Variants in DPYD observed in about 807,000 individuals in gnomAD.
DPYD encodes the protein dihydropyrimidine dehydrogenase, also known as dihydropyrimidine dehydrogenase [NADP(+)].
DPYD carries 109 observed loss-of-function variants against 116.2 expected under a neutral mutation model. The observed-to-expected ratio is 0.94, with a 90% CI of 0.80 to 1.10. The LOEUF (loss-of-function observed/expected upper bound fraction) is 1.10, where lower values mean the gene tolerates loss of function less well. Among genes scored for constraint, DPYD ranks in the 50% least tolerant of loss-of-function variants. The probability of loss-of-function intolerance (pLI) is 0.00; values close to 1 mark genes in which losing one functional copy is unlikely to be tolerated. For missense variants in DPYD, 1,302 were observed against 1,254.5 expected (o/e 1.04, Z -0.57); for synonymous variants, 440 against 432.0 (o/e 1.02, Z -0.23).
At chr1:97,272,241 CA>C (rs757131959) in intron 18 of DPYD, among the ~76,000 whole-genome samples, 16 of 152,140 alleles carry the variant, frequency 1.1e-4, no homozygotes, top group African/African-American at 1.4e-4. Flanking sequence ...GCAGAGAGCA[CA>C]AGCATGAAAG....
chr1:97,214,595 T>G (rs1391043210), intron 19 of DPYD, among the ~76,000 whole-genome samples: 1 of 152,190 alleles, frequency 6.6e-6, no homozygotes, highest in Non-Finnish European at 1.5e-5. Context: ...CACCAGGTGA[T>G]AAAATCCAGA....
chr1:97,428,779 C>T (rs1470035451), intron 14 of DPYD, among the ~76,000 whole-genome samples: 1 of 149,624 alleles, frequency 6.7e-6, no homozygotes, highest in Admixed American at 6.7e-5. Context: ...CTTAAGTTTT[C>T]TTTTTTTTTT....
intron 1 of DPYD, among the ~76,000 whole-genome samples, chr1:97,906,151 G>A (rs1379975104): frequency 2.0e-5 from 3 of 151,930 alleles, no homozygotes; most frequent in African/African-American, 7.2e-5. Flanking sequence ...ACCTGTCCTT[G>A]GAAAATGATC....
chr1:97,518,208 C>A (rs945592725), intron 12 of DPYD, among the ~76,000 whole-genome samples: 1 of 151,790 alleles, frequency 6.6e-6, no homozygotes. Context: ...CACACAGACA[C>A]AATTCTTTCA....
intron 8 of DPYD, among the ~76,000 whole-genome samples, chr1:97,674,585 G>A (rs1660040416): frequency 6.6e-6 from 1 of 151,688 alleles, no homozygotes; most frequent in African/African-American, 2.4e-5. Flanking sequence ...CAAAGACGAA[G>A]GGTCCATCTC....
At chr1:97,092,108 C>T (rs920115855) in intron 21 of DPYD, among the ~76,000 whole-genome samples, 1 of 152,104 alleles carries the variant, frequency 6.6e-6, no homozygotes, top group Non-Finnish European at 1.5e-5. Context: ...TTTTTATTCT[C>T]CTAAGCTTGT....
intron 20 of DPYD, among the ~76,000 whole-genome samples, chr1:97,099,548 T>G (rs769870941): frequency 1.4e-4 from 21 of 152,142 alleles, no homozygotes; most frequent in Non-Finnish European, 2.5e-4. Flanking sequence ...CTGCTGGTGA[T>G]AGACATCACT....
intron 14 of DPYD, among the ~76,000 whole-genome samples, chr1:97,386,419 A>G (rs1672352287): frequency 6.6e-6 from 1 of 152,106 alleles, no homozygotes; most frequent in Non-Finnish European, 1.5e-5. Context: ...GAGACAGGAG[A>G]AAGTAGACAA....
chr1:97,550,692 C>T (rs910540660), intron 11 of DPYD, among the ~76,000 whole-genome samples: 2 of 152,078 alleles, frequency 1.3e-5, no homozygotes, highest in South Asian at 4.1e-4. Context: ...GACTAAGGGC[C>T]TTATTCTTTA....
intron 8 of DPYD, among the ~76,000 whole-genome samples, chr1:97,661,566 T>C (rs1242917522): frequency 6.6e-6 from 1 of 152,022 alleles, no homozygotes; most frequent in Non-Finnish European, 1.5e-5. Flanking sequence ...TATACTACGC[T>C]TTGATAAAAT....
intron 12 of DPYD, among the ~76,000 whole-genome samples, chr1:97,543,202 T>C (rs542718710): frequency 5.9e-5 from 9 of 152,284 alleles, no homozygotes; most frequent in African/African-American, 1.9e-4. Context: ...GGTAACATGA[T>C]TGGAAAGTGT....
intron 14 of DPYD, among the ~76,000 whole-genome samples, chr1:97,401,619 T>C (rs1283718847): frequency 6.6e-6 from 1 of 152,108 alleles, no homozygotes; most frequent in South Asian, 2.1e-4. Flanking sequence ...CAGCCAGAGT[T>C]TTTTATTTTA....
chr1:97,464,692 C>T (rs548711086), intron 13 of DPYD, among the ~76,000 whole-genome samples: 8 of 152,250 alleles, frequency 5.3e-5, no homozygotes, highest in African/African-American at 1.7e-4. Flanking sequence ...AATCAAAAAT[C>T]GAGGTTTGGG....
intron 14 of DPYD, among the ~76,000 whole-genome samples, chr1:97,414,211 AT>A (rs891844281): frequency 3.3e-5 from 5 of 152,310 alleles, no homozygotes; most frequent in African/African-American, 1.2e-4. Flanking sequence ...TTGATGGCAA[AT>A]TTTTGTCTAG....
At chr1:97,163,666 T>G (rs1656092805) in intron 20 of DPYD, among the ~76,000 whole-genome samples, 1 of 152,286 alleles carries the variant, frequency 6.6e-6, no homozygotes, top group East Asian at 1.9e-4. Flanking sequence ...GTCCTCACTT[T>G]GTGGAAGGGT....
intron 20 of DPYD, among the ~76,000 whole-genome samples, chr1:97,139,384 A>C (rs1438303576): frequency 6.6e-6 from 1 of 152,218 alleles, no homozygotes; most frequent in Admixed American, 6.5e-5. Flanking sequence ...TGTATTCTGA[A>C]AATGGCTTCA....
chr1:97,367,476 C>T (rs972690613), intron 16 of DPYD, among the ~76,000 whole-genome samples: 1 of 152,022 alleles, frequency 6.6e-6, no homozygotes, highest in Non-Finnish European at 1.5e-5. Flanking sequence ...ATACATCTCC[C>T]TGATGACAAA....
At chr1:97,694,300 C>T (rs562770979) in intron 6 of DPYD, among the ~76,000 whole-genome samples, 10 of 152,110 alleles carry the variant, frequency 6.6e-5, no homozygotes, top group Non-Finnish European at 1.3e-4. Context: ...AAAAATGTGA[C>T]GTTTTTATAT....
intron 15 of DPYD, among the ~76,000 whole-genome samples, chr1:97,379,750 A>G (rs1671837545): frequency 1.3e-5 from 2 of 152,220 alleles, no homozygotes; most frequent in African/African-American, 4.8e-5. Context: ...TCAAAAGTTC[A>G]GAGGAAAGGA....
Sources: gnomAD v4.1 joint callset for allele counts (sites outside exome capture counted in the v4.1 genomes callset) on GRCh38, gnomAD v4.1.1 for gene constraint, MANE v1.5 for transcripts, NCBI Gene and HGNC (gene_info 2026-07-23, HGNC 2026-07-21) for gene names.